The following NRG3 variants were observed in gnomAD, a reference collection of about 807,000 sequenced individuals.
NRG3 encodes neuregulin 3, also known as pro-neuregulin-3, membrane-bound isoform.
Under a neutral mutation model 66.9 loss-of-function variants are expected in NRG3, and 31 were observed. The observed-to-expected ratio is 0.46, with a 90% confidence interval of 0.35 to 0.63. The LOEUF is 0.63. Ranked by LOEUF, NRG3 falls within the 20% of genes least tolerant of loss-of-function variation. The pLI is 0.00. For synonymous variants in NRG3, 393 were observed against 359.4 expected (o/e 1.09, Z -1.06); for missense variants, 910 against 878.9 (o/e 1.04, Z -0.45).
intron 1 of NRG3, among the ~76,000 whole-genome samples, chr10:82,264,451 C>T (rs1391021633): frequency 6.6e-6 from 1 of 152,060 alleles, no homozygotes; most frequent in Non-Finnish European, 1.5e-5. Flanking sequence ...CCCGGTCCTG[C>T]CCTTGACACA....
chr10:82,411,897 T>C (rs1007105335), intron 2 of NRG3, among the ~76,000 whole-genome samples: 1 of 151,996 alleles, frequency 6.6e-6, no homozygotes, highest in Non-Finnish European at 1.5e-5. Context: ...AGAAAGAAAG[T>C]TAAACATGTG....
intron 1 of NRG3, among the ~76,000 whole-genome samples, chr10:81,982,814 A>T (rs753688545): frequency 6.6e-6 from 1 of 152,220 alleles, no homozygotes; most frequent in Non-Finnish European, 1.5e-5. Flanking sequence ...ATACAGTCAC[A>T]TTCTGAGATT....
At chr10:82,489,061 C>T (rs1277114461) in intron 2 of NRG3, among the ~76,000 whole-genome samples, 1 of 152,130 alleles carries the variant, frequency 6.6e-6, no homozygotes, top group Non-Finnish European at 1.5e-5. Context: ...GCCCAGTACA[C>T]TCACACAGCC....
chr10:82,086,838 T>C (rs907267246), intron 1 of NRG3, among the ~76,000 whole-genome samples: 2 of 152,092 alleles, frequency 1.3e-5, no homozygotes, highest in African/African-American at 4.8e-5. Context: ...TAGGTAGAAA[T>C]ATTTGGTGTT....
intron 2 of NRG3, among the ~76,000 whole-genome samples, chr10:82,454,440 TCAAA>T (rs1411042598): frequency 2.0e-5 from 3 of 151,862 alleles, no homozygotes; most frequent in Admixed American, 6.6e-5. Flanking sequence ...ACACTCGTGT[TCAAA>T]CAGTTAAAAA....
At position 82,895,691 on chromosome 10, in the gene NRG3, C is replaced by T. The variant is rs377076760; in HGVS notation, c.1054+30254C>T. Among the ~76,000 whole-genome samples, 6 of 152,012 alleles carry T rather than the reference C, an allele frequency of 3.9e-5. No homozygotes were observed. The East Asian group carries it at 9.7e-4, about 25-fold the overall frequency. ...AATTTTAATAGAGACGGTGTTTCAC[C>T]GTGTTAGCCAGGATGGTCTCGATCT... On this transcript the variant is annotated intron_variant, in intron 4 of 8. Coordinates refer to ENST00000372141, the MANE Select transcript of NRG3 (RefSeq NM_001010848.4).
At chr10:82,725,843 T>C (rs1565244924) in intron 2 of NRG3, among the ~76,000 whole-genome samples, 1 of 152,204 alleles carries the variant, frequency 6.6e-6, no homozygotes, top group Non-Finnish European at 1.5e-5. Context: ...TTTGCTAGTC[T>C]GTAGATATTA....
chr10:82,682,946 ATTTTTTTTTTTTTT>A (rs71009814), intron 2 of NRG3, among the ~76,000 whole-genome samples: 2 of 65,334 alleles, frequency 3.1e-5, no homozygotes, highest in African/African-American at 1.3e-4. Context: ...CCATGTCTTA[ATTTTTTTTTTTTTT>A]TTTTTTTTTT....
In NRG3 at chr10:82,977,518, C is replaced by A. The variant is rs112783217; in HGVS notation, c.1413-1432C>A. Among the ~76,000 whole-genome samples, 1,021 of 147,908 alleles carry A rather than the reference C, an allele frequency of 6.9e-3. 11 individuals carry two copies. Among genetic ancestry groups the A allele is most frequent in the African/African-American group, 0.024 (965 of 39,988 alleles). Reference sequence around the variant, plus strand: ...CAGCTACTTGGGAGGCTGGGGCAGGCGAATCACTTGAACCTGGGAGGTAGA... The same window carrying A: ...CAGCTACTTGGGAGGCTGGGGCAGGAGAATCACTTGAACCTGGGAGGTAGA... On this transcript the variant is annotated intron_variant, in intron 7 of 8. Transcript: ENST00000372141.
intron 1 of NRG3, chr10:81,878,205 G>A (rs559982432): frequency 1.1e-6 from 1 of 945,742 alleles, no homozygotes; most frequent in African/African-American, 1.7e-5. Context: ...AAGGAAAAGA[G>A]GGGAAAAATC....
At chr10:82,118,162 C>T (rs1449282485) in intron 1 of NRG3, among the ~76,000 whole-genome samples, 1 of 150,546 alleles carries the variant, frequency 6.6e-6, no homozygotes, top group Non-Finnish European at 1.5e-5. Context: ...ATCAGACTGG[C>T]TCAATTGACT....
chr10:82,584,994 T>G lies in NRG3; in HGVS notation c.954-153583T>G, dbSNP rs1299596761. ...GTTGTTGCTGTTGTTGTTGTTGTTG[T>G]TTGTCATTGTCTTTTTTGGGGGGGG... On this transcript the variant is annotated intron_variant, in intron 2 of 8. Coordinates refer to ENST00000372141, the MANE Select transcript of NRG3 (RefSeq NM_001010848.4). Among the ~76,000 whole-genome samples the G allele has an allele frequency of 4.0e-5, 6 of 150,036 alleles. No homozygotes were observed. The South Asian group carries it at 8.6e-4, about 22-fold the overall frequency.
At chr10:82,959,377 A>G (rs2132445531) in intron 6 of NRG3, among the ~76,000 whole-genome samples, 1 of 152,284 alleles carries the variant, frequency 6.6e-6, no homozygotes, top group Admixed American at 6.5e-5. Context: ...TTTGTGCCAG[A>G]AGTTGTATGT....
chr10:82,111,212 C>T (rs77903923), intron 1 of NRG3, among the ~76,000 whole-genome samples: 5,140 of 152,224 alleles, frequency 0.034, 127 homozygotes, highest in Non-Finnish European at 0.049. Flanking sequence ...ATTCAGAAAG[C>T]TTATACTTGA....
rs780275421 is a variant in NRG3, at chr10:82,137,497, T to A, written c.824-221242T>A. 5.3e-4 allele frequency among the ~76,000 whole-genome samples: 81 copies of A among 152,192 alleles called. 1 individual carries two copies. Among genetic ancestry groups the A allele is most frequent in the Admixed American group, 1.8e-3 (27 of 15,262 alleles). ...CATCATGAAAAAATAAATAGGTTCA[T>A]GTAGGAATTGGTAAAGTTCCACAGC... is the stretch of plus-strand genomic sequence containing the variant. On this transcript the variant is annotated intron_variant, in intron 1 of 8. Transcript: ENST00000372141.
At chr10:82,081,301 G>A (rs1473673209) in intron 1 of NRG3, among the ~76,000 whole-genome samples, 2 of 152,078 alleles carry the variant, frequency 1.3e-5, no homozygotes, top group Non-Finnish European at 2.9e-5. Context: ...TTGCAGACAA[G>A]AACACAAAGA....
intron 3 of NRG3, among the ~76,000 whole-genome samples, chr10:82,750,658 G>T (rs1392774992): frequency 6.6e-6 from 1 of 152,084 alleles, no homozygotes; most frequent in Non-Finnish European, 1.5e-5. Context: ...TTTTATGGTT[G>T]AGGCAACAGA....
intron 2 of NRG3, among the ~76,000 whole-genome samples, chr10:82,455,346 A>G (rs528251612): frequency 1.4e-4 from 21 of 152,316 alleles, no homozygotes; most frequent in African/African-American, 4.8e-4. Context: ...TTAGGACACA[A>G]TCTTGTTACT....
intron 2 of NRG3, among the ~76,000 whole-genome samples, chr10:82,447,749 A>G (rs2090810233): frequency 1.3e-5 from 2 of 152,242 alleles, no homozygotes; most frequent in South Asian, 4.1e-4. Context: ...GGAGGTGTTC[A>G]GAAACTGTAT....
Sources: allele counts gnomAD v4.1 joint callset (sites outside exome capture counted in the v4.1 genomes callset), GRCh38; gene constraint gnomAD v4.1.1; transcripts MANE v1.5; gene names NCBI Gene and HGNC (gene_info 2026-07-23, HGNC 2026-07-21).